The following GRIN3A variants were observed in gnomAD, a reference collection of about 807,000 sequenced individuals.
GRIN3A encodes glutamate ionotropic receptor NMDA type subunit 3A.
In GRIN3A, 47 loss-of-function variants were observed where a neutral mutation model predicts 92.4. The observed-to-expected ratio is 0.51, with a 90% confidence interval of 0.40 to 0.65. The LOEUF is 0.65. Ranked by LOEUF, GRIN3A falls within the 30% of genes least tolerant of loss-of-function variation. The pLI is 0.00. For synonymous variants in GRIN3A, 527 were observed against 540.6 expected, an observed-to-expected ratio of 0.97 and a Z score of 0.35; for missense variants, 1,324 against 1,393.1, an observed-to-expected ratio of 0.95 and a Z score of 0.79.
chr9:101,626,766 G>T (rs79741250), intron 4 of GRIN3A, among the ~76,000 whole-genome samples: 3 of 152,182 alleles, frequency 2.0e-5, no homozygotes, highest in Non-Finnish European at 4.4e-5. Context: ...TTTCATCATC[G>T]TTCCCAGACT....
intron 1 of GRIN3A, among the ~76,000 whole-genome samples, chr9:101,687,571 T>C (rs1829555362): frequency 6.6e-6 from 1 of 152,216 alleles, no homozygotes; most frequent in Non-Finnish European, 1.5e-5. Context: ...TGTTAAACTT[T>C]GATCTCATAC....
chr9:101,594,792 T>C, intron 6 of GRIN3A: 1 of 1,613,554 alleles, frequency 6.2e-7, no homozygotes, highest in Non-Finnish European at 8.5e-7. Context: ...GGCAGGGACA[T>C]GAACTCCTCC....
intron 1 of GRIN3A, among the ~76,000 whole-genome samples, chr9:101,688,295 G>T (rs1346394242): frequency 6.6e-6 from 1 of 152,152 alleles, no homozygotes; most frequent in African/African-American, 2.4e-5. Context: ...CTCTCTGAAG[G>T]ATTTAAATGA....
chr9:101,600,978 A>AAT (rs1261081111), intron 6 of GRIN3A: 1 of 152,244 alleles, frequency 6.6e-6, no homozygotes, highest in Non-Finnish European at 1.5e-5. Flanking sequence ...AATTATAATT[A>AAT]ATAATACAAG....
intron 1 of GRIN3A, among the ~76,000 whole-genome samples, chr9:101,694,366 A>G (rs1829655367): frequency 7.9e-6 from 1 of 126,522 alleles, no homozygotes; most frequent in East Asian, 2.1e-4. Context: ...TCTTTGAGCT[A>G]ACCAATTCTT....
chr9:101,616,561 TCA>T (rs1029625093), intron 5 of GRIN3A, among the ~76,000 whole-genome samples: 4 of 152,002 alleles, frequency 2.6e-5, no homozygotes, highest in African/African-American at 9.7e-5. Flanking sequence ...CCATTAAAAC[TCA>T]GTTTTTTATG....
chr9:101,643,701 A>G (rs1415027846), intron 3 of GRIN3A, among the ~76,000 whole-genome samples: 1 of 151,226 alleles, frequency 6.6e-6, no homozygotes, highest in East Asian at 1.9e-4. Context: ...ACACACCCAC[A>G]CGAATATTAT....
rs375554113 is a variant in GRIN3A, at chr9:101,737,455, A to G, written c.525T>C (p.Ser175=). The change falls in exon 1 of 9, where the codon AGT becomes AGC. Residue 175 remains serine, a synonymous_variant. Coordinates refer to ENST00000361820, the MANE Select transcript of GRIN3A (RefSeq NM_133445.3). ...CACTTTGCAGGAAGGAGAAAGGGTC[A>G]CTGCTCCATGGCGAACTAGGGGAGG... ...PFSSPSSPWS[S]DPFSFLQSVC... 4.3e-6 allele frequency: 7 copies of G among 1,614,274 alleles called. No individual in the cohort carries two copies. The highest frequency in any genetic ancestry group is 5.1e-6 in the Non-Finnish European group (6 of 1,180,046).
At chr9:101,730,175 T>C (rs1202304112) in intron 1 of GRIN3A, among the ~76,000 whole-genome samples, 1 of 152,152 alleles carries the variant, frequency 6.6e-6, no homozygotes, top group Non-Finnish European at 1.5e-5. Flanking sequence ...TGACCTACTT[T>C]GCACACACTT....
chr9:101,706,545 T>C (rs1001343717), intron 1 of GRIN3A, among the ~76,000 whole-genome samples: 14 of 152,236 alleles, frequency 9.2e-5, no homozygotes, highest in African/African-American at 3.4e-4. Context: ...AATCAGATTA[T>C]GCAATCAGGG....
At chr9:101,629,183 A>T (rs897955332) in intron 3 of GRIN3A, among the ~76,000 whole-genome samples, 1 of 152,196 alleles carries the variant, frequency 6.6e-6, no homozygotes, top group Non-Finnish European at 1.5e-5. Context: ...AAATGCTCAT[A>T]TGGCAAGTGG....
At chr9:101,659,274 T>C (rs1829137001) in intron 3 of GRIN3A, among the ~76,000 whole-genome samples, 1 of 151,700 alleles carries the variant, frequency 6.6e-6, no homozygotes, top group Admixed American at 6.6e-5. Flanking sequence ...TAATTGTTTA[T>C]AATTACCCAA....
intron 3 of GRIN3A, among the ~76,000 whole-genome samples, chr9:101,654,177 T>C (rs1588268665): frequency 6.6e-6 from 1 of 151,718 alleles, no homozygotes; most frequent in South Asian, 2.1e-4. Flanking sequence ...TATCTTACAG[T>C]CTTTGAATCT....
At chr9:101,724,393 C>G (rs935983032) in intron 1 of GRIN3A, among the ~76,000 whole-genome samples, 1 of 152,128 alleles carries the variant, frequency 6.6e-6, no homozygotes, top group South Asian at 2.1e-4. Flanking sequence ...CCGGCAGGGC[C>G]GGCCCGCTGC....
intron 2 of GRIN3A, among the ~76,000 whole-genome samples, chr9:101,676,724 A>G (rs964443824): frequency 6.6e-6 from 1 of 152,032 alleles, no homozygotes; most frequent in African/African-American, 2.4e-5. Flanking sequence ...GCTCCTATAC[A>G]TGGAATTTAA....
At chr9:101,646,923 T>TA (rs56936215) in intron 3 of GRIN3A, among the ~76,000 whole-genome samples, 28,404 of 151,088 alleles carry the variant, frequency 0.19, 3,268 homozygotes, top group African/African-American at 0.33. Context: ...TTTCTAAATA[T>TA]AAAAAAAAAT....
In GRIN3A at chr9:101,573,275, C is replaced by G. The variant is rs577267507; in HGVS notation, c.3247G>C (p.Glu1083Gln). The G allele has an allele frequency of 2.5e-6, 4 of 1,614,032 alleles. No homozygotes were observed. Among genetic ancestry groups the G allele is most frequent in the East Asian group, 2.2e-5 (1 of 44,866 alleles). Residue 1083 changes from glutamate to glutamine, a missense_variant, in exon 9 of 9, where the codon GAG (glutamate) becomes CAG (glutamine). Transcript: ENST00000361820. ...NSVMQELSEL[E>Q]KQIQVIRQEL... ...TGACGGATCACCTGAATCTGCTTCT[C>G]GAGCTCTGAGAGTTCCTGCATCACT... is the stretch of plus-strand genomic sequence containing the variant.
At chr9:101,664,733 T>C (rs1829216733) in intron 3 of GRIN3A, among the ~76,000 whole-genome samples, 1 of 151,986 alleles carries the variant, frequency 6.6e-6, no homozygotes, top group South Asian at 2.1e-4. Flanking sequence ...AGTAGTTGGT[T>C]AAAGCCAATG....
chr9:101,631,438 G>A lies in GRIN3A; in HGVS notation c.2353-3037C>T, dbSNP rs1828708685. On this transcript the variant is annotated intron_variant, in intron 3 of 8. Coordinates refer to ENST00000361820, the MANE Select transcript of GRIN3A (RefSeq NM_133445.3). ...TCATATAGAAACAGAATTCCTTCCA[G>A]AAATACATTCTTTACATTATGTTGT... is the stretch of plus-strand genomic sequence containing the variant. Among the ~76,000 whole-genome samples, 6 of 152,248 alleles carry A rather than the reference G, an allele frequency of 3.9e-5. No individual in the cohort carries two copies. In the South Asian group the frequency reaches 1.2e-3, roughly 32 times the overall value.
Sources: gnomAD v4.1 joint callset for allele counts (sites outside exome capture counted in the v4.1 genomes callset) on GRCh38, gnomAD v4.1.1 for gene constraint, MANE v1.5 for transcripts, NCBI Gene and HGNC (gene_info 2026-07-23, HGNC 2026-07-21) for gene names.